MED12L: variants seen among roughly 807,000 people sequenced by gnomAD.
MED12L encodes the protein mediator of RNA polymerase II transcription subunit 12-like protein.
In MED12L, 60 loss-of-function variants were observed where a neutral mutation model predicts 281.3. That is an observed-to-expected ratio of 0.21 (90% CI 0.17 to 0.26). The LOEUF is 0.26. Ranked by LOEUF, MED12L falls within the 10% of genes least tolerant of loss-of-function variation. The pLI, the probability that MED12L is intolerant of heterozygous loss-of-function variation, is 1.00. For synonymous variants in MED12L, 974 were observed against 987.2 expected, an observed-to-expected ratio of 0.99 and a Z score of 0.25; for missense variants, 2,146 against 2,680.9, an observed-to-expected ratio of 0.80 and a Z score of 4.41.
At chr3:151,201,039 T>A (rs1264134370) in intron 16 of MED12L, 2 of 152,158 alleles carry the variant, frequency 1.3e-5, no homozygotes, top group Non-Finnish European at 2.9e-5. Flanking sequence ...GAAATGATAA[T>A]GATTATTATT....
At chr3:151,400,089 A>G (rs1715481635) in intron 39 of MED12L, among the ~76,000 whole-genome samples, 1 of 152,030 alleles carries the variant, frequency 6.6e-6, no homozygotes, top group Non-Finnish European at 1.5e-5. Context: ...GACCTCCTAT[A>G]GTGCTGGGAT....
intron 25 of MED12L, among the ~76,000 whole-genome samples, chr3:151,368,662 T>TCATGTCATG (rs1560087230): frequency 3.8e-5 from 2 of 52,378 alleles, no homozygotes; most frequent in Admixed American, 3.8e-4. Context: ...TTCATTTCAT[T>TCATGTCATG]TCATTTCATT....
intron 39 of MED12L, among the ~76,000 whole-genome samples, chr3:151,400,118 C>T (rs560657037): frequency 2.0e-5 from 3 of 152,242 alleles, no homozygotes; most frequent in South Asian, 2.1e-4. Context: ...CGAGCCACCG[C>T]GCCAGGCCTT....
chr3:151,186,969 G>A (rs1196638948), intron 12 of MED12L, among the ~76,000 whole-genome samples: 2 of 152,152 alleles, frequency 1.3e-5, no homozygotes, highest in Admixed American at 6.5e-5. Flanking sequence ...GGCTCTCTGT[G>A]TTGCTGATAT....
intron 15 of MED12L, 145 bp from the exon 16 acceptor site, chr3:151,193,345 C>T: frequency 1.7e-6 from 1 of 604,322 alleles, no homozygotes; most frequent in East Asian, 2.8e-5. Flanking sequence ...TGGAAATTAA[C>T]ACAATTTCTT....
chr3:151,257,195 G>A (rs979443433), intron 16 of MED12L, among the ~76,000 whole-genome samples: 1 of 152,164 alleles, frequency 6.6e-6, no homozygotes, highest in African/African-American at 2.4e-5. Flanking sequence ...TATTTATGTA[G>A]TTTCTTTCTC....
In MED12L at chr3:151,368,150, C is replaced by G; in HGVS notation, c.3449C>G (p.Ala1150Gly). 6.2e-7 allele frequency: 1 copy of G among 1,613,504 alleles called. No homozygotes were observed. Among genetic ancestry groups the G allele is most frequent in the Non-Finnish European group, 8.5e-7 (1 of 1,179,498 alleles). The change falls in exon 25 of 45, where the codon GCT becomes GGT. Residue 1150 changes from alanine (A) to glycine (G), a missense_variant and splice_region_variant. Physicochemically the swap from Ala to Gly is moderately conservative, Grantham distance 60. Around this residue, in one of 9 missense-constraint regions of MED12L, gnomAD observed 404 missense variants for 603.5 expected, o/e 0.67. Coordinates refer to ENST00000687756, the MANE Select transcript of MED12L (RefSeq NM_001393769.1). ...TGCTTTTCCAATCCCCCTTTCCTAG[C>G]TTGTGGGGATGCGGACGCCGAGCCT... ...HVALPSLLAAACGDADAEPGA... is the reference protein window; with the variant it reads ...HVALPSLLAAGCGDADAEPGA...
At chr3:151,213,321 A>G (rs1456882912) in intron 16 of MED12L, 1 of 1,610,420 alleles carries the variant, frequency 6.2e-7, no homozygotes, top group Middle Eastern at 1.7e-4. Flanking sequence ...CTGTGCTTTC[A>G]AGTGTTGTAT....
At chr3:151,421,838 T>C in intron 43 of MED12L, among the ~76,000 whole-genome samples, 1 of 152,218 alleles carries the variant, frequency 6.6e-6, no homozygotes, top group Non-Finnish European at 1.5e-5. Flanking sequence ...ATTCAGTTCT[T>C]GGTACTAGCC....
At chr3:151,261,617 T>C (rs943581120) in intron 16 of MED12L, among the ~76,000 whole-genome samples, 1 of 152,102 alleles carries the variant, frequency 6.6e-6, no homozygotes, top group African/African-American at 2.4e-5. Context: ...GAAATGCAAG[T>C]TACCCAAGAC....
intron 2 of MED12L, among the ~76,000 whole-genome samples, chr3:151,101,126 G>GGGT (rs1721336403): frequency 6.6e-6 from 1 of 152,148 alleles, no homozygotes; most frequent in African/African-American, 2.4e-5. Context: ...ACCACACTCA[G>GGGT]GGTGGTAGCA....
chr3:151,114,362 G>A (rs778520522), intron 2 of MED12L, among the ~76,000 whole-genome samples: 1 of 152,186 alleles, frequency 6.6e-6, no homozygotes, highest in African/African-American at 2.4e-5. Flanking sequence ...CAAGGCATTA[G>A]TAAGAGCACA....
At chr3:151,206,397 G>A (rs1222644870) in intron 16 of MED12L, among the ~76,000 whole-genome samples, 1 of 151,738 alleles carries the variant, frequency 6.6e-6, no homozygotes, top group African/African-American at 2.4e-5. Flanking sequence ...ATTTCCCCTT[G>A]ACAGTCCTTT....
rs756858137 is a variant in MED12L at position 151,192,540 on chromosome 3, C to T, written c.1969-10C>T. On this transcript the variant is annotated splice_polypyrimidine_tract_variant and intron_variant, in intron 14 of 44. Coordinates refer to ENST00000687756, the MANE Select transcript of MED12L (RefSeq NM_001393769.1). ...TTACAATGTTACTTTCTTTCTCTGG[C>T]GATTATCAGGAACAGAGTATTATGG... 1.7e-5 allele frequency: 25 copies of T among 1,511,022 alleles called. No individual in the cohort carries two copies. Among genetic ancestry groups the T allele is most frequent in the South Asian group, 1.2e-4 (10 of 83,456 alleles). The allele number at this position is 1,511,022 out of a possible 1,614,324, so 93.6% of individuals were successfully genotyped here.
intron 16 of MED12L, among the ~76,000 whole-genome samples, chr3:151,262,353 C>T (rs1223433525): frequency 6.6e-6 from 1 of 152,180 alleles, no homozygotes; most frequent in East Asian, 1.9e-4. Flanking sequence ...TGGTTTGCCC[C>T]CAACTTTTTG....
At position 151,307,533 on chromosome 3, in the gene MED12L, CTGTGTGTGTGTGTGTGTG is replaced by C. The variant is rs67391329; in HGVS notation, c.2251-42490_2251-42473del. ...TTTAGGTGACCTCAGGTAACTTGCT[CTGTGTGTGTGTGTGTGTG>C]TGTGTGTGTGTGTGTGTGTGTGTGT... On this transcript the variant is annotated intron_variant, in intron 16 of 44. Transcript: ENST00000687756. Among the ~76,000 whole-genome samples the C allele has an allele frequency of 7.1e-3, 972 of 137,788 alleles. 8 individuals carry two copies. Among genetic ancestry groups the C allele is most frequent in the African/African-American group, 0.024 (865 of 35,812 alleles). The allele number at this position is 137,788 out of a possible 152,430, so 90.4% of individuals were successfully genotyped here.
intron 16 of MED12L, among the ~76,000 whole-genome samples, chr3:151,222,204 C>T (rs898089013): frequency 6.6e-6 from 1 of 152,202 alleles, no homozygotes; most frequent in Non-Finnish European, 1.5e-5. Context: ...AACTAACTTG[C>T]TTTAGATTTT....
At chr3:151,114,034 C>T (rs1264071078) in intron 2 of MED12L, among the ~76,000 whole-genome samples, 1 of 152,230 alleles carries the variant, frequency 6.6e-6, no homozygotes, top group African/African-American at 2.4e-5. Flanking sequence ...TCTCATCCTA[C>T]TTTCCCCCTG....
chr3:151,237,945 T>C (rs1229215491), intron 16 of MED12L, among the ~76,000 whole-genome samples: 1 of 152,146 alleles, frequency 6.6e-6, no homozygotes, highest in African/African-American at 2.4e-5. Flanking sequence ...ATTGTTGATA[T>C]TTTGTTTGGT....
Sources: allele counts gnomAD v4.1 joint callset (sites outside exome capture counted in the v4.1 genomes callset), GRCh38; gene constraint gnomAD v4.1.1; regional missense constraint gnomAD v4.1.1; transcripts MANE v1.5; gene names NCBI Gene and HGNC (gene_info 2026-07-23, HGNC 2026-07-21).